Variants in TMEM87B observed in about 807,000 individuals in gnomAD.
TMEM87B encodes transmembrane protein 87B.
TMEM87B carries 83 observed loss-of-function variants against 80.3 expected under a neutral mutation model. The ratio of observed to expected loss-of-function variants is 1.03; its 90% CI spans 0.87 to 1.24. The LOEUF (loss-of-function observed/expected upper bound fraction) is 1.24. Among genes scored for constraint, TMEM87B ranks in the 50% most tolerant of loss-of-function variants. The probability of loss-of-function intolerance (pLI) is 0.00; values close to 1 mark genes in which losing one functional copy is unlikely to be tolerated. For synonymous variants in TMEM87B, 219 were observed against 230.5 expected, an observed-to-expected ratio of 0.95 and a Z score of 0.45; for missense variants, 625 against 674.4, an observed-to-expected ratio of 0.93 and a Z score of 0.81.
chr2:112,059,417 G>T (rs1374150297), intron 1 of TMEM87B, among the ~76,000 whole-genome samples: 3 of 151,708 alleles, frequency 2.0e-5, no homozygotes, highest in African/African-American at 7.3e-5. Flanking sequence ...TGAACAAAGG[G>T]TGAAAGGAAG....
chr2:112,112,731 C>T (rs1239815643), intron 17 of TMEM87B, among the ~76,000 whole-genome samples, 168 bp from the exon 18 acceptor site: 3 of 152,186 alleles, frequency 2.0e-5, no homozygotes, highest in African/African-American at 7.2e-5. Flanking sequence ...AGCACTGCTG[C>T]GAAAACTCCT....
At chr2:112,065,613 C>G (rs1053538068) in intron 3 of TMEM87B, among the ~76,000 whole-genome samples, 3 of 147,910 alleles carry the variant, frequency 2.0e-5, no homozygotes, top group East Asian at 2.0e-4. Context: ...CCACTGCACT[C>G]CAGCCTGGGA....
At chr2:112,064,898 TTATATATG>T (rs1263182503) in intron 3 of TMEM87B, among the ~76,000 whole-genome samples, 18 of 152,256 alleles carry the variant, frequency 1.2e-4, no homozygotes, top group Non-Finnish European at 2.1e-4. Context: ...TCTTTTTAAA[TTATATATG>T]TATATATGTA....
At chr2:112,065,283 A>AT (rs1364514456) in intron 3 of TMEM87B, among the ~76,000 whole-genome samples, 9 of 152,236 alleles carry the variant, frequency 5.9e-5, no homozygotes, top group African/African-American at 1.9e-4. Flanking sequence ...ATATTCATTT[A>AT]TTTTTTTCAC....
Position 112,086,045 on chromosome 2 carries a change from T to C in TMEM87B, c.879T>C (p.Ile293=), listed in dbSNP as rs144969785. The part of the protein sequence containing the change: ...LLIFAELISA[I]KRTLARLLVI... Reference sequence around the variant, plus strand: ...TATTTGCGGAGTTGATTTCTGCGATTAAGAGGACGTTGGCTCGCCTTCTCG... The same window carrying C: ...TATTTGCGGAGTTGATTTCTGCGATCAAGAGGACGTTGGCTCGCCTTCTCG... The change falls in exon 9 of 19, where the codon ATT becomes ATC. Residue 293 remains isoleucine (I), a synonymous_variant. Transcript: ENST00000283206. 4.3e-6 allele frequency: 7 copies of C among 1,614,126 alleles called. No individual in the cohort carries two copies. In the Admixed American group the frequency reaches 6.7e-5, roughly 15 times the overall value.
At chr2:112,056,262 G>T (rs1410413993) in intron 1 of TMEM87B, among the ~76,000 whole-genome samples, 2 of 151,808 alleles carry the variant, frequency 1.3e-5, no homozygotes, top group Non-Finnish European at 2.9e-5. Context: ...TAAATGAGGG[G>T]GAAACGTGCA....
intron 8 of TMEM87B, among the ~76,000 whole-genome samples, chr2:112,081,927 A>G (rs1679010318): frequency 6.6e-6 from 1 of 152,156 alleles, no homozygotes; most frequent in Admixed American, 6.5e-5. Flanking sequence ...CGCAGGGAGT[A>G]AAATCAGGGG....
intron 8 of TMEM87B, among the ~76,000 whole-genome samples, chr2:112,082,866 A>G (rs1363849405): frequency 6.6e-6 from 1 of 152,158 alleles, no homozygotes; most frequent in Non-Finnish European, 1.5e-5. Context: ...AAAACCTGAG[A>G]TCCATGAAGA....
At chr2:112,055,859 C>T in intron 1 of TMEM87B, 103 bp downstream of exon 1, 2 of 1,338,210 alleles carry the variant, frequency 1.5e-6, no homozygotes. Flanking sequence ...TCTGCCGGGT[C>T]AGCACCGGGT....
At chr2:112,072,124 G>A (rs1269065085) in intron 4 of TMEM87B, among the ~76,000 whole-genome samples, 1 of 152,106 alleles carries the variant, frequency 6.6e-6, no homozygotes, top group South Asian at 2.1e-4. Context: ...GCATCCCAGG[G>A]GAAAGCCTGC....
chr2:112,108,012 T>A (rs1257053987), intron 17 of TMEM87B, among the ~76,000 whole-genome samples, 172 bp downstream of exon 17: 1 of 152,182 alleles, frequency 6.6e-6, no homozygotes, highest in Non-Finnish European at 1.5e-5. Context: ...AAACCCTGGC[T>A]TGTTTTGTTT....
At chr2:112,058,081 C>T (rs1053307790) in intron 1 of TMEM87B, among the ~76,000 whole-genome samples, 1 of 152,238 alleles carries the variant, frequency 6.6e-6, no homozygotes, top group African/African-American at 2.4e-5. Context: ...CCCGCCTCAG[C>T]CTCCCAAAGT....
At position 112,074,988 on chromosome 2, in the gene TMEM87B, T is replaced by C. The variant is rs1263814361; in HGVS notation, c.501+26T>C. On this transcript the variant is annotated intron_variant, in intron 5 of 18. Transcript: ENST00000283206. Reference sequence around the variant, plus strand: ...GTAAGCAGTTTGATTTGTCTTTAAATCAAATATACACAAGTTAACGTAAGA... The same window carrying C: ...GTAAGCAGTTTGATTTGTCTTTAAACCAAATATACACAAGTTAACGTAAGA... 3 of 1,576,688 alleles carry C rather than the reference T, an allele frequency of 1.9e-6. No individual in the cohort carries two copies. In the South Asian group the frequency reaches 3.4e-5, roughly 18 times the overall value.
rs77355506 is a variant in TMEM87B, at chr2:112,081,348, T to C, written c.668T>C (p.Met223Thr). 1.2e-6 allele frequency: 2 copies of C among 1,601,374 alleles called. No individual in the cohort carries two copies. The highest frequency in any genetic ancestry group is 1.3e-5 in the African/African-American group (1 of 74,112). The stretch of plus-strand genomic sequence containing the variant: ...CTCTTCCTACAGTTTTACATGGTGA[T>C]GTGTATTGTTTATATATTATATGGC... ...DWPLMIFYMV[M>T]CIVYILYGIL... Residue 223 changes from methionine (M) to threonine (T), a missense_variant, in exon 8 of 19, where the codon ATG (methionine) becomes ACG (threonine). Transcript: ENST00000283206.
At chr2:112,095,936 G>C (rs1234026670) in intron 11 of TMEM87B, among the ~76,000 whole-genome samples, 1 of 151,988 alleles carries the variant, frequency 6.6e-6, no homozygotes, top group Non-Finnish European at 1.5e-5. Context: ...TCTTCTTTTT[G>C]CTTCTTCATC....
At chr2:112,101,794 G>T (rs1291905427) in intron 15 of TMEM87B, among the ~76,000 whole-genome samples, 1 of 152,078 alleles carries the variant, frequency 6.6e-6, no homozygotes, top group African/African-American at 2.4e-5. Flanking sequence ...TCTAATGTTG[G>T]AAATGATAGA....
chr2:112,097,288 AT>A lies in TMEM87B; in HGVS notation c.1270del (p.Ser424GlnfsTer23). On this transcript the variant is annotated frameshift_variant and splice_region_variant, in exon 13 of 19. Transcript: ENST00000283206. LOFTEE classifies it high-confidence loss of function. ...AGACATTTAGAATTGCAAAATGCCA[AT>A]CAGTAAGTATAACCTTCCTATTTAA... is the stretch of plus-strand genomic sequence containing the variant. ...TKTFRIAKCQ[S>X]DWMERWVDDA... The A allele has an allele frequency of 6.2e-7, 1 of 1,603,134 alleles. No individual in the cohort carries two copies. The highest frequency in any genetic ancestry group is 8.5e-7 in the Non-Finnish European group (1 of 1,176,168).
rs183540938 is a variant in TMEM87B, at chr2:112,077,564, T to A, written c.592+282T>A. ...CTCCATTCTTTCAGATTAAAAAAAT[T>A]TTTTTAACATGTAGAAATGTGTAGG... is the stretch of plus-strand genomic sequence containing the variant. On this transcript the variant is annotated intron_variant, in intron 6 of 18. Coordinates refer to ENST00000283206, the MANE Select transcript of TMEM87B (RefSeq NM_032824.3). Among the ~76,000 whole-genome samples the A allele has an allele frequency of 8.4e-3, 1,274 of 152,314 alleles. 24 individuals carry two copies. Among genetic ancestry groups the A allele is most frequent in the African/African-American group, 0.029 (1,206 of 41,552 alleles).
chr2:112,108,834 G>A (rs1679838948), intron 17 of TMEM87B, among the ~76,000 whole-genome samples: 1 of 152,154 alleles, frequency 6.6e-6, no homozygotes, highest in African/African-American at 2.4e-5. Flanking sequence ...ACCTAAAGTG[G>A]AATTGCTAGA....
Sources: allele counts gnomAD v4.1 joint callset (sites outside exome capture counted in the v4.1 genomes callset), GRCh38; gene constraint gnomAD v4.1.1; transcripts MANE v1.5; gene names NCBI Gene and HGNC (gene_info 2026-07-23, HGNC 2026-07-21).